Variants in ZNF428 observed in about 807,000 individuals in gnomAD.
The protein encoded by ZNF428 is zinc finger protein 428.
A neutral mutation model predicts 15.6 loss-of-function variants in ZNF428; 5 were observed. That is an observed-to-expected ratio of 0.32 (90% CI 0.17 to 0.67). ZNF428 has a LOEUF of 0.67. Among genes scored for constraint, ZNF428 ranks in the 30% least tolerant of loss-of-function variants. The pLI is 0.73. For synonymous variants in ZNF428, 97 were observed against 102.2 expected (o/e 0.95, Z 0.31); for missense variants, 237 against 256.0 (o/e 0.93, Z 0.51).
At chr19:43,614,114 A>T (rs1371323910) in intron 2 of ZNF428, 115 bp downstream of exon 2, 1 of 1,596,334 alleles carries the variant, frequency 6.3e-7, no homozygotes, top group African/African-American at 1.3e-5. Context: ...TCTCAGTCAG[A>T]ATAGAACCCC....
At chr19:43,616,641 G>A (rs1737782929) in intron 1 of ZNF428, among the ~76,000 whole-genome samples, 1 of 152,172 alleles carries the variant, frequency 6.6e-6, no homozygotes, top group African/African-American at 2.4e-5. Context: ...GATAGAAATT[G>A]CTGGTGTGTG....
chr19:43,617,596 C>A lies in ZNF428; in HGVS notation c.-131+1962G>T, dbSNP rs200464479. On this transcript the variant is annotated intron_variant, in intron 1 of 2. Transcript: ENST00000300811. ...TTGGCAGAGGAGAATTCTAATGATA[C>A]CCTATTGCCTACAGGGCCCCATCTA... 2.0e-5 allele frequency among the ~76,000 whole-genome samples: 3 copies of A among 152,198 alleles called. No homozygotes were observed. In the East Asian group the frequency reaches 5.8e-4, roughly 29 times the overall value.
At chr19:43,615,037 G>C (rs967144043) in intron 1 of ZNF428, among the ~76,000 whole-genome samples, 1 of 152,098 alleles carries the variant, frequency 6.6e-6, no homozygotes, top group South Asian at 2.1e-4. Context: ...AGAGTGGAGC[G>C]GGACGGATAC....
chr19:43,611,611 C>T (rs1180587157), intron 2 of ZNF428, among the ~76,000 whole-genome samples: 6 of 152,158 alleles, frequency 3.9e-5, no homozygotes, highest in African/African-American at 1.2e-4. Flanking sequence ...TGAGCCACCG[C>T]GCCCAGCCTG....
chr19:43,609,164 T>G (rs768810490), intron 2 of ZNF428, among the ~76,000 whole-genome samples: 2 of 152,044 alleles, frequency 1.3e-5, no homozygotes, highest in Non-Finnish European at 2.9e-5. Flanking sequence ...CTATCCCCAG[T>G]TGATGGATGT....
rs564533446 is a variant in ZNF428, at chr19:43,608,198, T to C, written c.77-91A>G. On this transcript the variant is annotated intron_variant, in intron 2 of 2. Coordinates refer to ENST00000300811, the MANE Select transcript of ZNF428 (RefSeq NM_182498.4). ...CTCCCTGAATCCCCACATTCAGACT[T>C]GCCATAGTATGACAAGGATAGCCTA... 4.0e-6 allele frequency: 6 copies of C among 1,507,014 alleles called. No homozygotes were observed. The African/African-American group carries it at 5.5e-5, about 14-fold the overall frequency. 93.4% of individuals were successfully genotyped at this position (1,507,014 alleles called of 1,614,324 possible).
intron 1 of ZNF428, 171 bp from the exon 2 acceptor site, chr19:43,614,605 T>A: frequency 5.6e-6 from 1 of 178,836 alleles, no homozygotes. Context: ...TCTCTAGGTC[T>A]TTTTTTTTTT....
chr19:43,615,855 T>G (rs1006341334), intron 1 of ZNF428, among the ~76,000 whole-genome samples: 1 of 152,074 alleles, frequency 6.6e-6, no homozygotes, highest in Non-Finnish European at 1.5e-5. Flanking sequence ...CTCCCTGGGG[T>G]GCTACCCTAC....
chr19:43,614,788 G>A (rs2146121630), intron 1 of ZNF428, among the ~76,000 whole-genome samples: 1 of 152,294 alleles, frequency 6.6e-6, no homozygotes, highest in Middle Eastern at 3.4e-3. Context: ...AGTAGAGATG[G>A]GGCTTCACCA....
chr19:43,613,817 GA>G, intron 2 of ZNF428: 1 of 1,549,440 alleles, frequency 6.5e-7, no homozygotes, highest in South Asian at 1.2e-5. Context: ...CCCCAGCAAA[GA>G]GAGAGATCGC....
At chr19:43,618,830 C>A (rs1018497327) in intron 1 of ZNF428, among the ~76,000 whole-genome samples, 5 of 152,074 alleles carry the variant, frequency 3.3e-5, no homozygotes, top group African/African-American at 7.2e-5. Context: ...GGCAACCACA[C>A]ACCTGGGACA....
rs1270315324 is a variant in ZNF428, at chr19:43,608,113, G to T, written c.77-6C>A. 6.2e-7 allele frequency: 1 copy of T among 1,608,736 alleles called. No individual in the cohort carries two copies. On this transcript the variant is annotated splice_region_variant and splice_polypyrimidine_tract_variant and intron_variant, in intron 2 of 2. Transcript: ENST00000300811. ...ATCAGAGGAATGCTCGGGGCCTGGAGGGGGACAGACAGGGGAAGACAGTGG... is the reference window on the plus strand; with the variant it reads ...ATCAGAGGAATGCTCGGGGCCTGGATGGGGACAGACAGGGGAAGACAGTGG...
chr19:43,614,261 C>T lies in ZNF428; in HGVS notation c.44G>A (p.Ser15Asn), dbSNP rs759591330. ...AAGGTCTTCATCATCTTCTTCCAAG[C>T]TGGCGTAGCCCCCAGTCTCAGCTGG... is the stretch of plus-strand genomic sequence containing the variant. ...REPAETGGYA[S>N]LEEDDEDLSP... The change falls in exon 2 of 3, where the codon AGC becomes AAC. Residue 15 changes from serine to asparagine, a missense_variant. Transcript: ENST00000300811. 6.2e-7 allele frequency: 1 copy of T among 1,613,712 alleles called. No homozygotes were observed. The highest frequency in any genetic ancestry group is 1.1e-5 in the South Asian group (1 of 91,018).
In ZNF428 at chr19:43,612,735, G is replaced by A; in HGVS notation, c.76+1494C>T. ...CGCCCACCAGGAGGCTCAGGTATAG[G>A]GAGGAGTTCCGAGCTGGCTGTAACT... On this transcript the variant is annotated intron_variant, in intron 2 of 2. Coordinates refer to ENST00000300811, the MANE Select transcript of ZNF428 (RefSeq NM_182498.4). This position sits in a 1 kb window ranked among gnomAD's most constrained non-coding sequence, Gnocchi z 4.2. 1 of 1,551,658 alleles carries A rather than the reference G, an allele frequency of 6.4e-7. No homozygotes were observed. The highest frequency in any genetic ancestry group is 2.4e-5 in the East Asian group (1 of 40,916).
chr19:43,609,818 C>T lies in ZNF428; in HGVS notation c.77-1711G>A, dbSNP rs569728190. ...GCGACATCAGCTGCCATTATGGGGG[C>T]GCACACACAGAGTAATGGTTGGGGA... On this transcript the variant is annotated intron_variant, in intron 2 of 2. Transcript: ENST00000300811. Among the ~76,000 whole-genome samples the T allele has an allele frequency of 5.3e-5, 8 of 151,676 alleles. 1 individual carries two copies. Among genetic ancestry groups the T allele is most frequent in the Non-Finnish European group, 5.9e-5 (4 of 67,962 alleles).
chr19:43,614,114 A>G (rs1371323910), intron 2 of ZNF428, 115 bp downstream of exon 2: 5 of 1,596,334 alleles, frequency 3.1e-6, no homozygotes, highest in Non-Finnish European at 4.3e-6. Flanking sequence ...TCTCAGTCAG[A>G]ATAGAACCCC....
At chr19:43,608,894 C>T (rs1973267426) in intron 2 of ZNF428, among the ~76,000 whole-genome samples, 1 of 147,860 alleles carries the variant, frequency 6.8e-6, no homozygotes, top group Non-Finnish European at 1.5e-5. Flanking sequence ...CACAACTGCA[C>T]TCCAGCCTGG....
chr19:43,617,848 C>CTTAT (rs970208623), intron 1 of ZNF428, among the ~76,000 whole-genome samples: 17 of 151,650 alleles, frequency 1.1e-4, no homozygotes, highest in East Asian at 2.0e-4. Context: ...ACACCTGGCC[C>CTTAT]TTATTTATTT....
At chr19:43,615,598 T>C (rs1403527760) in intron 1 of ZNF428, among the ~76,000 whole-genome samples, 2 of 151,558 alleles carry the variant, frequency 1.3e-5, no homozygotes, top group Non-Finnish European at 2.9e-5. Context: ...CCCAGCTACC[T>C]GAGAGGCTGA....
Sources: allele counts gnomAD v4.1 joint callset (sites outside exome capture counted in the v4.1 genomes callset), GRCh38; gene constraint gnomAD v4.1.1; non-coding constraint Gnocchi (gnomAD v3.1); transcripts MANE v1.5; gene names NCBI Gene and HGNC (gene_info 2026-07-23, HGNC 2026-07-21).